PLXND1: variants seen among roughly 807,000 people sequenced by gnomAD.
PLXND1 encodes plexin D1, also known as plexin-D1.
Under a neutral mutation model 197.7 loss-of-function variants are expected in PLXND1, and 54 were observed. The ratio of observed to expected loss-of-function variants is 0.27; its 90% CI spans 0.22 to 0.34. The LOEUF (loss-of-function observed/expected upper bound fraction) is 0.34, where lower values mean the gene tolerates loss of function less well. PLXND1 is among the 10% of genes least tolerant of loss of function. PLXND1 has a pLI of 1.00. For missense variants in PLXND1, 2,127 were observed against 2,699.2 expected (o/e 0.79, Z 4.70); for synonymous variants, 1,180 against 1,161.2 (o/e 1.02, Z -0.33).
chr3:129,586,422 C>G, intron 3 of PLXND1, 150 bp from the exon 4 acceptor site: 1 of 1,068,274 alleles, frequency 9.4e-7, no homozygotes, highest in Non-Finnish European at 1.4e-6. Context: ...GGCTTCCCTG[C>G]AGAGGCAAGG....
chr3:129,603,037 T>C (rs527911340), intron 1 of PLXND1, among the ~76,000 whole-genome samples: 9 of 152,272 alleles, frequency 5.9e-5, no homozygotes, highest in African/African-American at 2.2e-4. Flanking sequence ...GGAGCAAGAA[T>C]AATGATCCCT....
chr3:129,560,655 G>T, intron 30 of PLXND1, 34 bp downstream of exon 30: 2 of 1,547,918 alleles, frequency 1.3e-6, no homozygotes, highest in Non-Finnish European at 1.8e-6. Context: ...CCACTGAGGG[G>T]CTGGATCCCC....
intron 27 of PLXND1, 141 bp downstream of exon 27, chr3:129,562,646 G>C (rs1046478866): frequency 4.0e-5 from 28 of 708,118 alleles, no homozygotes; most frequent in Middle Eastern, 4.0e-4. Context: ...AGAGCTTCTT[G>C]CTGAGGGGGC....
chr3:129,589,384 G>C lies in PLXND1; in HGVS notation c.1455C>G (p.Val485=), dbSNP rs746260380. 9.5e-6 allele frequency: 14 copies of C among 1,467,744 alleles called. No individual in the cohort carries two copies. The Admixed American group carries it at 2.2e-4, about 23-fold the overall frequency. The allele number at this position is 1,467,744 out of a possible 1,614,324, so 90.9% of individuals were successfully genotyped here. ...AVASVNNYTA[V]FLGTVNGRLL... ...GCCTCCCGTTGACCGTGCCCAGGAA[G>C]ACCGCTGTGTAGTTGTTGACGCTGG... Residue 485 remains valine (V), a synonymous_variant, in exon 2 of 36, where the codon GTC becomes GTG. Coordinates refer to ENST00000324093, the MANE Select transcript of PLXND1 (RefSeq NM_015103.3).
Position 129,586,290 on chromosome 3 carries a change from G to C in PLXND1, c.1621-18C>G. ...CTGGCCATCTGGGGGCAGAGGTGGG[G>C]GCCCAGCTCAATGGGACTGCCAGCC... is the stretch of plus-strand genomic sequence containing the variant. On this transcript the variant is annotated intron_variant, in intron 3 of 35. Transcript: ENST00000324093. 6.5e-7 allele frequency: 1 copy of C among 1,536,068 alleles called. No homozygotes were observed. Among genetic ancestry groups the C allele is most frequent in the Non-Finnish European group, 8.8e-7 (1 of 1,140,048 alleles).
At position 129,606,291 on chromosome 3, in the gene PLXND1, G is replaced by A. The variant is rs758411946; in HGVS notation, c.349C>T (p.Pro117Ser). The A allele has an allele frequency of 1.4e-4, 213 of 1,531,792 alleles. No homozygotes were observed. Among genetic ancestry groups the A allele is most frequent in the Non-Finnish European group, 8.2e-5 (94 of 1,145,228 alleles). The allele number at this position is 1,531,792 out of a possible 1,614,324, so 94.9% of individuals were successfully genotyped here. ...TTGTAGTTGTCCGTGAGGCGCCGCGGGTGCTCGCACGAGGCCTGCGGCAGC... is the reference window on the plus strand; with the variant it reads ...TTGTAGTTGTCCGTGAGGCGCCGCGAGTGCTCGCACGAGGCCTGCGGCAGC... The part of the protein sequence containing the change: ...PQLPQASCEH[P>S]RRLTDNYNKI... The change falls in exon 1 of 36, where the codon CCG becomes TCG. Residue 117 changes from proline to serine, a missense_variant. By Grantham distance (74) the Pro-to-Ser change is moderately conservative. Coordinates refer to ENST00000324093, the MANE Select transcript of PLXND1 (RefSeq NM_015103.3).
chr3:129,601,237 T>G (rs1398505192), intron 1 of PLXND1, among the ~76,000 whole-genome samples: 1 of 152,150 alleles, frequency 6.6e-6, no homozygotes, highest in Non-Finnish European at 1.5e-5. Flanking sequence ...TTGAAAACAA[T>G]CAGGGACAAA....
chr3:129,605,216 T>G (rs2085765957), intron 1 of PLXND1, 113 bp downstream of exon 1: 1 of 488,046 alleles, frequency 2.0e-6, no homozygotes, highest in East Asian at 4.5e-5. Flanking sequence ...TCTGGATCTC[T>G]GCGCGCTCCC....
intron 21 of PLXND1, 46 bp from the exon 22 acceptor site, chr3:129,567,650 CT>C: frequency 6.3e-7 from 1 of 1,581,614 alleles, no homozygotes; most frequent in Non-Finnish European, 8.7e-7. Context: ...AACCCATCCC[CT>C]AGGAGGGAAA....
chr3:129,581,329 T>A (rs2085385381), intron 8 of PLXND1, among the ~76,000 whole-genome samples: 1 of 152,174 alleles, frequency 6.6e-6, no homozygotes. Flanking sequence ...CCTCTGTGCC[T>A]CCACCCCAGC....
chr3:129,560,879 A>G, intron 29 of PLXND1, 156 bp from the exon 30 acceptor site: 2 of 693,888 alleles, frequency 2.9e-6, no homozygotes, highest in Non-Finnish European at 5.3e-6. Context: ...ACAGAAACGG[A>G]GACAGAGATC....
At chr3:129,575,934 C>A in intron 9 of PLXND1, 79 bp from the exon 10 acceptor site, 5 of 812,960 alleles carry the variant, frequency 6.2e-6, no homozygotes, top group Non-Finnish European at 2.1e-6. Context: ...CAGCAGGACA[C>A]CACGGGCTCC....
Position 129,560,731 on chromosome 3 carries a change from A to G in PLXND1, c.4994-8T>C. 2 of 1,553,762 alleles carry G rather than the reference A, an allele frequency of 1.3e-6. No homozygotes were observed. Among genetic ancestry groups the G allele is most frequent in the Non-Finnish European group, 1.8e-6 (2 of 1,125,840 alleles). ...CTGTGTCCAAGTCTTTCACTGTGAG[A>G]GGAAAAACACAATAAATAAACACGG... On this transcript the variant is annotated splice_polypyrimidine_tract_variant and splice_region_variant and intron_variant, in intron 29 of 35. Transcript: ENST00000324093.
At chr3:129,560,571 C>A in intron 30 of PLXND1, 118 bp downstream of exon 30, 2 of 968,582 alleles carry the variant, frequency 2.1e-6, no homozygotes, top group East Asian at 2.4e-5. Flanking sequence ...CCTACTCCCC[C>A]ACCCCCCAGC....
Position 129,586,277 on chromosome 3 carries a change from G to C in PLXND1, c.1621-5C>G, listed in dbSNP as rs755067687. The C allele has an allele frequency of 1.1e-4, 172 of 1,559,414 alleles. No homozygotes were observed. The highest frequency in any genetic ancestry group is 6.5e-4 in the Middle Eastern group (3 of 4,638). ...GGCGACCTTCACCCTGGCCATCTGG[G>C]GGCAGAGGTGGGGGCCCAGCTCAAT... is the stretch of plus-strand genomic sequence containing the variant. On this transcript the variant is annotated splice_polypyrimidine_tract_variant and splice_region_variant and intron_variant, in intron 3 of 35. Transcript: ENST00000324093.
intron 13 of PLXND1, among the ~76,000 whole-genome samples, chr3:129,573,220 C>T (rs1459978225): frequency 1.3e-5 from 2 of 152,092 alleles, no homozygotes; most frequent in African/African-American, 2.4e-5. Flanking sequence ...TCTCTGCTCA[C>T]GCGTATTTCC....
chr3:129,560,751 ACAC>A, intron 29 of PLXND1, 28 bp from the exon 30 acceptor site: 1 of 1,386,632 alleles, frequency 7.2e-7, no homozygotes, highest in Non-Finnish European at 1.0e-6. Context: ...CAATAAATAA[ACAC>A]GGGAGAGGAG....
Position 129,577,111 on chromosome 3 carries a change from C to T in PLXND1, c.2346+1218G>A, listed in dbSNP as rs529517646. Among the ~76,000 whole-genome samples the T allele has an allele frequency of 5.0e-4, 76 of 152,146 alleles. No individual in the cohort carries two copies. The highest frequency in any genetic ancestry group is 9.4e-4 in the Non-Finnish European group (64 of 68,022). On this transcript the variant is annotated intron_variant, in intron 9 of 35. Coordinates refer to ENST00000324093, the MANE Select transcript of PLXND1 (RefSeq NM_015103.3). This position sits in a 1 kb window ranked among gnomAD's most constrained non-coding sequence, Gnocchi z 5.0. Reference sequence around the variant, plus strand: ...GGCCAAAAGCCCGTTTTGTCCCCTGCCATGCTGAGCTGGAGATGGGTCCCT... The same window carrying T: ...GGCCAAAAGCCCGTTTTGTCCCCTGTCATGCTGAGCTGGAGATGGGTCCCT...
rs2085192210 is a variant in PLXND1, at chr3:129,569,555, GCTCT to G, written c.3865+284_3865+287del. On this transcript the variant is annotated intron_variant, in intron 20 of 35. Coordinates refer to ENST00000324093, the MANE Select transcript of PLXND1 (RefSeq NM_015103.3). The stretch of plus-strand genomic sequence containing the variant: ...AATCCTCTCTTAAGTACCTTCAGTA[GCTCT>G]CTATTGACTGGAGAACATGGTTCCA... 3 of 393,492 alleles carry G rather than the reference GCTCT, an allele frequency of 7.6e-6. No individual in the cohort carries two copies. The Admixed American group carries it at 1.1e-4, about 15-fold the overall frequency. The allele number at this position is 393,492 out of a possible 1,614,324, so 24.4% of individuals were successfully genotyped here. A position where few individuals can be genotyped will look rare whatever the true frequency, so the allele number is the denominator to read the frequency against.
Sources: gnomAD v4.1 joint callset for allele counts (sites outside exome capture counted in the v4.1 genomes callset) on GRCh38, gnomAD v4.1.1 for gene constraint, Gnocchi (gnomAD v3.1) non-coding constraint, MANE v1.5 for transcripts, NCBI Gene and HGNC (gene_info 2026-07-23, HGNC 2026-07-21) for gene names.